PHF21A: variants seen among roughly 807,000 people sequenced by gnomAD.
PHF21A encodes the protein BHC80a.
PHF21A carries 11 observed loss-of-function variants against 82.5 expected under a neutral mutation model. That is an observed-to-expected ratio of 0.13 (90% CI 0.08 to 0.22). The LOEUF (loss-of-function observed/expected upper bound fraction) is 0.22. Ranked by LOEUF, PHF21A falls within the 10% of genes least tolerant of loss-of-function variation. The probability of loss-of-function intolerance (pLI) is 1.00; values close to 1 mark genes in which losing one functional copy is unlikely to be tolerated. For missense variants in PHF21A, 579 were observed against 837.8 expected (o/e 0.69, Z 3.81); for synonymous variants, 297 against 302.8 (o/e 0.98, Z 0.20).
intron 6 of PHF21A, among the ~76,000 whole-genome samples, chr11:45,981,114 G>A (rs1235647891): frequency 5.9e-5 from 9 of 151,964 alleles, no homozygotes; most frequent in Admixed American, 5.2e-4. Flanking sequence ...GGCCCAACAC[G>A]GTGGCTCATG....
At chr11:46,120,366 G>A (rs1244613819) in intron 1 of PHF21A, 1 of 150,994 alleles carries the variant, frequency 6.6e-6, no homozygotes, top group Non-Finnish European at 1.5e-5. Flanking sequence ...CCGAGGGGGG[G>A]CGGGCGAGGC....
At chr11:46,109,396 C>T (rs867782694) in intron 1 of PHF21A, among the ~76,000 whole-genome samples, 65 of 152,182 alleles carry the variant, frequency 4.3e-4, no homozygotes, top group African/African-American at 1.5e-3. Flanking sequence ...GTACAAAAAC[C>T]GTTCACAACT....
At chr11:46,076,663 G>T in intron 6 of PHF21A, 91 bp downstream of exon 6, 1 of 972,684 alleles carries the variant, frequency 1.0e-6, no homozygotes, top group African/African-American at 1.6e-5. Context: ...TTTCACACAT[G>T]AGGAAAAATA....
intron 6 of PHF21A, among the ~76,000 whole-genome samples, chr11:46,053,828 T>C (rs2096407952): frequency 1.3e-5 from 2 of 152,176 alleles, no homozygotes; most frequent in Non-Finnish European, 2.9e-5. Flanking sequence ...TTGTGACATA[T>C]TTCAAAAACC....
At chr11:46,084,326 G>C in intron 3 of PHF21A, 24 bp from the exon 4 acceptor site, 1 of 729,782 alleles carries the variant, frequency 1.4e-6, no homozygotes. Context: ...AAAATGTTTT[G>C]GATCATTACA....
At chr11:45,996,800 TAA>T (rs1259231556) in intron 6 of PHF21A, among the ~76,000 whole-genome samples, 2 of 152,240 alleles carry the variant, frequency 1.3e-5, no homozygotes, top group Non-Finnish European at 2.9e-5. Context: ...CAACTCAGAA[TAA>T]AGTTTCCATC....
intron 6 of PHF21A, among the ~76,000 whole-genome samples, chr11:46,022,431 G>A (rs1003925172): frequency 1.3e-5 from 2 of 152,006 alleles, no homozygotes; most frequent in Admixed American, 6.6e-5. Context: ...CTCCAGCCTG[G>A]GCAACAAAGT....
rs545245216 is a variant in PHF21A, at chr11:46,089,045, G to A, written c.-84+1410C>T. Among the ~76,000 whole-genome samples the A allele has an allele frequency of 6.1e-4, 17 of 27,678 alleles. No homozygotes were observed. In the East Asian group the frequency reaches 0.26, roughly 431 times the overall value. 18.2% of individuals were successfully genotyped at this position (27,678 alleles called of 152,430 possible). ...TAACTAACGATAAGTCCATGACACA[G>A]TGTGCCCCAAACTGTCCCTAAAAAG... On this transcript the variant is annotated intron_variant, in intron 3 of 18. Coordinates refer to ENST00000676320, the MANE Select transcript of PHF21A (RefSeq NM_001352027.3).
chr11:45,991,733 G>C (rs2094709236), intron 6 of PHF21A, among the ~76,000 whole-genome samples: 2 of 152,134 alleles, frequency 1.3e-5, no homozygotes, highest in Admixed American at 6.5e-5. Flanking sequence ...CTTGGTCTCA[G>C]CTTCTGCACT....
At chr11:45,984,780 G>GC (rs572884197) in intron 6 of PHF21A, among the ~76,000 whole-genome samples, 118 of 152,314 alleles carry the variant, frequency 7.7e-4, no homozygotes, top group Admixed American at 3.2e-3. Flanking sequence ...TGTCAGTGCT[G>GC]CAAGTCTCTG....
chr11:46,119,733 C>A (rs1266662661), intron 1 of PHF21A: 5 of 112,740 alleles, frequency 4.4e-5, no homozygotes, highest in Non-Finnish European at 1.8e-5. Context: ...CCATCGCGAA[C>A]GTGGTCAGGG....
At chr11:46,092,415 G>A (rs2096936196) in intron 1 of PHF21A, among the ~76,000 whole-genome samples, 192 bp from the exon 2 acceptor site, 1 of 152,138 alleles carries the variant, frequency 6.6e-6, no homozygotes, top group African/African-American at 2.4e-5. Flanking sequence ...AAGAACTCAA[G>A]AGCAGTTAAA....
chr11:45,970,662 A>G (rs971972866), intron 8 of PHF21A: 3 of 154,058 alleles, frequency 1.9e-5, no homozygotes, highest in African/African-American at 7.2e-5. Context: ...AAGTGCCTCA[A>G]CTAACTCCAG....
chr11:46,086,860 A>G (rs893064190), intron 3 of PHF21A, among the ~76,000 whole-genome samples: 1 of 152,236 alleles, frequency 6.6e-6, no homozygotes, highest in Non-Finnish European at 1.5e-5. Context: ...CAAAGGGCTA[A>G]TACAGTTTAT....
intron 1 of PHF21A, among the ~76,000 whole-genome samples, chr11:46,098,938 T>G (rs1020942717): frequency 1.3e-5 from 2 of 152,178 alleles, no homozygotes; most frequent in Admixed American, 1.3e-4. Context: ...CGCTCAGAAA[T>G]GGGATAATAG....
intron 16 of PHF21A, 49 bp downstream of exon 16, chr11:45,938,108 G>C (rs578197167): frequency 2.8e-6 from 4 of 1,444,736 alleles, no homozygotes; most frequent in East Asian, 2.4e-5. Flanking sequence ...CCTGATGGCC[G>C]TGTCTTTGTC....
intron 1 of PHF21A, among the ~76,000 whole-genome samples, chr11:46,109,980 CAAAAA>C (rs771228626): frequency 5.5e-5 from 4 of 73,380 alleles, no homozygotes; most frequent in Admixed American, 1.5e-4. Context: ...GACTCCGTGT[CAAAAA>C]AAAAAAAAAA....
intron 6 of PHF21A, among the ~76,000 whole-genome samples, chr11:46,048,782 AT>A (rs920096313): frequency 4.3e-4 from 65 of 150,306 alleles, no homozygotes; most frequent in African/African-American, 1.1e-3. Flanking sequence ...AAAAAAAATA[AT>A]TTTTTTTTTG....
At chr11:46,111,675 A>G (rs974856110) in intron 1 of PHF21A, among the ~76,000 whole-genome samples, 2 of 152,142 alleles carry the variant, frequency 1.3e-5, no homozygotes, top group Admixed American at 1.3e-4. Flanking sequence ...TTACACTTAC[A>G]TTTTCCAATA....
Sources: gnomAD v4.1 joint callset for allele counts (sites outside exome capture counted in the v4.1 genomes callset) on GRCh38, gnomAD v4.1.1 for gene constraint, MANE v1.5 for transcripts, NCBI Gene and HGNC (gene_info 2026-07-23, HGNC 2026-07-21) for gene names.